PACS1: variants seen among roughly 807,000 people sequenced by gnomAD.
The protein encoded by PACS1 is phosphofurin acidic cluster sorting protein 1, also known as PACS-1.
A neutral mutation model predicts 115.0 loss-of-function variants in PACS1; 24 were observed. The ratio of observed to expected loss-of-function variants is 0.21; its 90% CI spans 0.15 to 0.29. PACS1 has a LOEUF of 0.29. Ranked by LOEUF, PACS1 falls within the 10% of genes least tolerant of loss-of-function variation. The probability of loss-of-function intolerance (pLI) is 1.00; values close to 1 mark genes in which losing one functional copy is unlikely to be tolerated. For missense variants in PACS1, 838 were observed against 1,251.2 expected (o/e 0.67, Z 4.98); for synonymous variants, 453 against 504.5 (o/e 0.90, Z 1.37).
At chr11:66,201,630 A>T (rs1361624689) in intron 2 of PACS1, among the ~76,000 whole-genome samples, 1 of 151,984 alleles carries the variant, frequency 6.6e-6, no homozygotes, top group Non-Finnish European at 1.5e-5. Flanking sequence ...TTGAAAAAAA[A>T]AAGTCAACAA....
chr11:66,105,338 G>A (rs562509040), intron 1 of PACS1, among the ~76,000 whole-genome samples: 2 of 152,290 alleles, frequency 1.3e-5, no homozygotes, highest in East Asian at 1.9e-4. Flanking sequence ...AGGGAAAATC[G>A]CTTGAACCGG....
chr11:66,237,009 C>T (rs1855718272), intron 19 of PACS1, among the ~76,000 whole-genome samples: 1 of 152,214 alleles, frequency 6.6e-6, no homozygotes, highest in African/African-American at 2.4e-5. Flanking sequence ...ACCTCCGCCT[C>T]CCAGGTTCAA....
chr11:66,213,588 TGTGCTCGTGTCTACACAC>T (rs1855128771), intron 4 of PACS1, among the ~76,000 whole-genome samples: 1 of 152,236 alleles, frequency 6.6e-6, no homozygotes, highest in African/African-American at 2.4e-5. Context: ...TATGCACACA[TGTGCTCGTGTCTACACAC>T]GTCACAGCTC....
At chr11:66,161,929 T>G (rs1051358884) in intron 1 of PACS1, among the ~76,000 whole-genome samples, 3 of 152,102 alleles carry the variant, frequency 2.0e-5, no homozygotes, top group Non-Finnish European at 4.4e-5. Context: ...ACACACATTA[T>G]TTTAGGAGCC....
chr11:66,152,406 A>G (rs1429262587), intron 1 of PACS1, among the ~76,000 whole-genome samples: 3 of 152,346 alleles, frequency 2.0e-5, no homozygotes, highest in Admixed American at 1.3e-4. Flanking sequence ...GTAGCCTAAC[A>G]TAAGTGTACT....
chr11:66,219,400 G>A (rs760747624), intron 7 of PACS1: 3 of 410,008 alleles, frequency 7.3e-6, no homozygotes, highest in South Asian at 2.0e-5. Flanking sequence ...AGGTGCCCGC[G>A]CTGTGCATGC....
At chr11:66,083,925 T>G (rs979189205) in intron 1 of PACS1, 1 of 152,200 alleles carries the variant, frequency 6.6e-6, no homozygotes, top group Non-Finnish European at 1.5e-5. Flanking sequence ...GCACATACCT[T>G]TACTGTTTCC....
At position 66,070,900 on chromosome 11, in the gene PACS1, G is replaced by A. The variant is rs1857297251; in HGVS notation, c.356+58G>A. ...GGAGCGGGGTGGCCGCCGGGGCCCAGCCCTCCCCGCCCCAGCGCCCATGGG... is the reference window on the plus strand; with the variant it reads ...GGAGCGGGGTGGCCGCCGGGGCCCAACCCTCCCCGCCCCAGCGCCCATGGG... On this transcript the variant is annotated intron_variant, in intron 1 of 23. Coordinates refer to ENST00000320580, the MANE Select transcript of PACS1 (RefSeq NM_018026.4). The surrounding 1 kb of genome is among the most constrained non-coding windows in gnomAD (Gnocchi z 5.9). 7.3e-7 allele frequency: 1 copy of A among 1,366,272 alleles called. No homozygotes were observed. Among genetic ancestry groups the A allele is most frequent in the Non-Finnish European group, 9.4e-7 (1 of 1,066,534 alleles). 84.6% of individuals were successfully genotyped at this position (1,366,272 alleles called of 1,614,324 possible). A position where few individuals can be genotyped will look rare whatever the true frequency, so the allele number is the denominator to read the frequency against.
chr11:66,121,573 A>G (rs1446283763), intron 1 of PACS1, among the ~76,000 whole-genome samples: 2 of 152,236 alleles, frequency 1.3e-5, no homozygotes, highest in African/African-American at 4.8e-5. Flanking sequence ...TTGTGAATGT[A>G]AAAGAAAAGT....
At chr11:66,087,743 A>G (rs1423372970) in intron 1 of PACS1, among the ~76,000 whole-genome samples, 1 of 152,158 alleles carries the variant, frequency 6.6e-6, no homozygotes, top group Non-Finnish European at 1.5e-5. Context: ...TACTGTGGGC[A>G]TTCTTGTACA....
At chr11:66,144,702 C>T (rs1455144347) in intron 1 of PACS1, among the ~76,000 whole-genome samples, 1 of 152,196 alleles carries the variant, frequency 6.6e-6, no homozygotes. Flanking sequence ...GGCACAATCT[C>T]GGCTCGCTGC....
intron 1 of PACS1, among the ~76,000 whole-genome samples, chr11:66,145,121 G>C (rs1859089031): frequency 6.6e-6 from 1 of 152,206 alleles, no homozygotes; most frequent in Non-Finnish European, 1.5e-5. Context: ...AGACAAAATT[G>C]TTAAAAGCAA....
At chr11:66,243,105 A>G (rs1855848830) in intron 23 of PACS1, 60 bp from the exon 24 acceptor site, 2 of 1,611,758 alleles carry the variant, frequency 1.2e-6, no homozygotes, top group Admixed American at 1.7e-5. Context: ...GCCTTTCCCA[A>G]GGGGCCCTGG....
chr11:66,212,178 C>G (rs1316587985), intron 4 of PACS1, among the ~76,000 whole-genome samples: 1 of 151,162 alleles, frequency 6.6e-6, no homozygotes, highest in Non-Finnish European at 1.5e-5. Context: ...TGTCGCCAGG[C>G]TGGAGTGCAG....
At chr11:66,168,077 A>T (rs1859648133) in intron 1 of PACS1, among the ~76,000 whole-genome samples, 1 of 150,120 alleles carries the variant, frequency 6.7e-6, no homozygotes, top group Non-Finnish European at 1.5e-5. Flanking sequence ...CTTTTTAAAA[A>T]TTTTTTGTAG....
intron 1 of PACS1, among the ~76,000 whole-genome samples, chr11:66,072,757 A>C (rs1857330925): frequency 6.6e-6 from 1 of 152,170 alleles, no homozygotes; most frequent in South Asian, 2.1e-4. Flanking sequence ...ACGTGGGTCC[A>C]GTCTTTCCCA....
chr11:66,137,734 A>T (rs1858880624), intron 1 of PACS1, among the ~76,000 whole-genome samples: 2 of 152,170 alleles, frequency 1.3e-5, no homozygotes, highest in Admixed American at 6.5e-5. Context: ...GTGGAGAGCC[A>T]TTACTCACTG....
chr11:66,086,779 C>A (rs1857577470), intron 1 of PACS1, among the ~76,000 whole-genome samples: 2 of 151,938 alleles, frequency 1.3e-5, no homozygotes, highest in African/African-American at 4.8e-5. Flanking sequence ...CCATGCCTGG[C>A]CAGTGTTTTA....
intron 1 of PACS1, among the ~76,000 whole-genome samples, chr11:66,092,764 A>C (rs934583902): frequency 0.027 from 4,163 of 152,168 alleles, 184 homozygotes; most frequent in African/African-American, 0.094. Flanking sequence ...TCCCAGCACC[A>C]TTTATTAAAT....
Sources: gnomAD v4.1 joint callset for allele counts (sites outside exome capture counted in the v4.1 genomes callset) on GRCh38, gnomAD v4.1.1 for gene constraint, Gnocchi (gnomAD v3.1) non-coding constraint, MANE v1.5 for transcripts, NCBI Gene and HGNC (gene_info 2026-07-23, HGNC 2026-07-21) for gene names.